KCNH8: variants seen among roughly 807,000 people sequenced by gnomAD.
KCNH8 encodes the protein potassium voltage-gated channel subfamily H member 8.
In KCNH8, 70 loss-of-function variants were observed where a neutral mutation model predicts 103.6. That is an observed-to-expected ratio of 0.68 (90% CI 0.56 to 0.82). The LOEUF (loss-of-function observed/expected upper bound fraction) is 0.82. Among genes scored for constraint, KCNH8 ranks in the 40% least tolerant of loss-of-function variants. The pLI, the probability that KCNH8 is intolerant of heterozygous loss-of-function variation, is 0.00. For synonymous variants in KCNH8, 498 were observed against 489.4 expected (o/e 1.02, Z -0.23); for missense variants, 1,217 against 1,329.9 (o/e 0.92, Z 1.32).
intron 1 of KCNH8, among the ~76,000 whole-genome samples, chr3:19,183,237 A>G (rs998977038): frequency 2.0e-5 from 3 of 152,200 alleles, no homozygotes; most frequent in African/African-American, 7.2e-5. Context: ...AAAAAATAGT[A>G]TTTTTATTTG....
At chr3:19,521,202 G>A (rs1042571682) in intron 15 of KCNH8, among the ~76,000 whole-genome samples, 1 of 151,988 alleles carries the variant, frequency 6.6e-6, no homozygotes, top group African/African-American at 2.4e-5. Context: ...AAGATACAGA[G>A]GCAAAGCTTA....
chr3:19,352,015 A>G (rs2065809904), intron 5 of KCNH8, among the ~76,000 whole-genome samples: 1 of 152,190 alleles, frequency 6.6e-6, no homozygotes, highest in Non-Finnish European at 1.5e-5. Context: ...AGACACACAT[A>G]GACTCAAAAT....
Position 19,291,112 on chromosome 3 carries a change from C to T in KCNH8, c.442+9783C>T, listed in dbSNP as rs570800188. Among the ~76,000 whole-genome samples, 986 of 151,924 alleles carry T rather than the reference C, an allele frequency of 6.5e-3. 18 individuals carry two copies. The highest frequency in any genetic ancestry group is 0.037 in the Admixed American group (562 of 15,252). On this transcript the variant is annotated intron_variant, in intron 3 of 15. Coordinates refer to ENST00000328405, the MANE Select transcript of KCNH8 (RefSeq NM_144633.3). ...ATATCCCCTTTATCATTTTTTATTG[C>T]GTCTATTTGATTCTTCTCTCTTTTC...
intron 1 of KCNH8, among the ~76,000 whole-genome samples, chr3:19,149,298 T>C (rs527542474): frequency 6.6e-6 from 1 of 152,252 alleles, no homozygotes; most frequent in Non-Finnish European, 1.5e-5. Context: ...CTGTAGAATT[T>C]TAAGTGTTGT....
intron 1 of KCNH8, among the ~76,000 whole-genome samples, chr3:19,170,659 TAC>T (rs1233275581): frequency 1.0e-4 from 14 of 137,864 alleles, no homozygotes; most frequent in African/African-American, 3.9e-4. Flanking sequence ...CACACATATA[TAC>T]ACACATATAT....
intron 1 of KCNH8, among the ~76,000 whole-genome samples, chr3:19,189,655 T>TA (rs2063532947): frequency 6.6e-6 from 1 of 152,012 alleles, no homozygotes; most frequent in African/African-American, 2.4e-5. Flanking sequence ...ATCTGACCTA[T>TA]AATCACCTTC....
At chr3:19,516,630 C>T (rs1049950270) in intron 14 of KCNH8, among the ~76,000 whole-genome samples, 3 of 152,016 alleles carry the variant, frequency 2.0e-5, no homozygotes, top group Non-Finnish European at 4.4e-5. Flanking sequence ...CCACATATTT[C>T]TAGTCCTACC....
intron 11 of KCNH8, among the ~76,000 whole-genome samples, chr3:19,503,253 G>A (rs1171756607): frequency 6.6e-6 from 1 of 151,796 alleles, no homozygotes; most frequent in African/African-American, 2.4e-5. Flanking sequence ...AGTTAGAATG[G>A]CAATCATTAA....
chr3:19,464,903 T>G (rs1193332759), intron 11 of KCNH8, among the ~76,000 whole-genome samples: 2 of 152,092 alleles, frequency 1.3e-5, no homozygotes, highest in Non-Finnish European at 2.9e-5. Flanking sequence ...ATTTAATAAA[T>G]TATAGTGAGA....
intron 3 of KCNH8, among the ~76,000 whole-genome samples, chr3:19,319,425 C>A (rs569654059): frequency 3.6e-4 from 55 of 152,098 alleles, no homozygotes; most frequent in African/African-American, 1.3e-3. Context: ...ATAGGGTGTC[C>A]TTTCCCCACT....
intron 3 of KCNH8, among the ~76,000 whole-genome samples, chr3:19,341,747 G>A (rs962933300): frequency 6.6e-6 from 1 of 151,856 alleles, no homozygotes; most frequent in Non-Finnish European, 1.5e-5. Context: ...AATTAATATG[G>A]CATTTTTCAA....
chr3:19,372,668 G>T (rs1274049216), intron 5 of KCNH8, among the ~76,000 whole-genome samples: 1 of 152,178 alleles, frequency 6.6e-6, no homozygotes, highest in Non-Finnish European at 1.5e-5. Context: ...AGTGGTGAGA[G>T]AGGGCATCCC....
chr3:19,260,274 C>T (rs937934681), intron 2 of KCNH8, among the ~76,000 whole-genome samples: 9 of 150,842 alleles, frequency 6.0e-5, no homozygotes, highest in Non-Finnish European at 8.9e-5. Flanking sequence ...TTGGGCAACA[C>T]GCTATGTTCA....
rs766342409 is a variant in KCNH8 at position 19,276,167 on chromosome 3, A to G, written c.311-5031A>G. Among the ~76,000 whole-genome samples the G allele has an allele frequency of 4.3e-3, 539 of 124,796 alleles. 2 individuals are homozygous for G. The highest frequency in any genetic ancestry group is 7.5e-3 in the Middle Eastern group (2 of 266). The allele number at this position is 124,796 out of a possible 152,430, so 81.9% of individuals were successfully genotyped here. A position where few individuals can be genotyped will look rare whatever the true frequency, so the allele number is the denominator to read the frequency against. On this transcript the variant is annotated intron_variant, in intron 2 of 15. Coordinates refer to ENST00000328405, the MANE Select transcript of KCNH8 (RefSeq NM_144633.3). ...CAGCTCTTTCCCCACTCCCACCCCA[A>G]TATGTATATGTGTGTGTGTGTGTGT...
At chr3:19,466,489 T>C (rs1003241496) in intron 11 of KCNH8, among the ~76,000 whole-genome samples, 2 of 152,044 alleles carry the variant, frequency 1.3e-5, no homozygotes, top group Admixed American at 1.3e-4. Flanking sequence ...ACAAACTTCA[T>C]TGTTGTTTTA....
intron 3 of KCNH8, among the ~76,000 whole-genome samples, chr3:19,340,462 A>C (rs2125315733): frequency 6.6e-6 from 1 of 151,872 alleles, no homozygotes; most frequent in Admixed American, 6.6e-5. Flanking sequence ...GCACCCACTA[A>C]CGTGTCATCT....
chr3:19,481,903 A>T (rs1474156629), intron 11 of KCNH8, among the ~76,000 whole-genome samples: 2 of 152,170 alleles, frequency 1.3e-5, no homozygotes, highest in Non-Finnish European at 2.9e-5. Flanking sequence ...AACTTGATGG[A>T]TGAAGTTGCA....
intron 1 of KCNH8, among the ~76,000 whole-genome samples, chr3:19,219,761 G>C (rs182056102): frequency 1.3e-5 from 2 of 152,276 alleles, no homozygotes; most frequent in East Asian, 3.9e-4. Context: ...AGCTCTTCCA[G>C]AGATGAGAGA....
chr3:19,261,833 G>GT (rs899842500), intron 2 of KCNH8, among the ~76,000 whole-genome samples: 5 of 151,384 alleles, frequency 3.3e-5, no homozygotes, highest in East Asian at 2.0e-4. Context: ...TGGAAGTCCA[G>GT]TTTTTTTTCC....
Sources: allele counts gnomAD v4.1 joint callset (sites outside exome capture counted in the v4.1 genomes callset), GRCh38; gene constraint gnomAD v4.1.1; transcripts MANE v1.5; gene names NCBI Gene and HGNC (gene_info 2026-07-23, HGNC 2026-07-21).